TSPAN9: variants seen among roughly 807,000 people sequenced by gnomAD.
TSPAN9 encodes tetraspanin-9.
Under a neutral mutation model 31.0 loss-of-function variants are expected in TSPAN9, and 16 were observed. The observed-to-expected ratio is 0.52, with a 90% confidence interval of 0.35 to 0.78. The LOEUF (loss-of-function observed/expected upper bound fraction) is 0.78, where lower values mean the gene tolerates loss of function less well. TSPAN9 is among the 30% of genes least tolerant of loss of function. The probability of loss-of-function intolerance (pLI) is 0.01; values close to 1 mark genes in which losing one functional copy is unlikely to be tolerated. For missense variants in TSPAN9, 272 were observed against 312.5 expected (o/e 0.87, Z 0.98); for synonymous variants, 145 against 121.6 (o/e 1.19, Z -1.27).
At chr12:3,265,761 A>G (rs1391682604) in intron 3 of TSPAN9, among the ~76,000 whole-genome samples, 2 of 152,196 alleles carry the variant, frequency 1.3e-5, no homozygotes, top group East Asian at 3.8e-4. Context: ...AACATGTTTG[A>G]TAAAATGGAA....
chr12:3,246,137 A>G (rs1591703212), intron 3 of TSPAN9, among the ~76,000 whole-genome samples: 1 of 150,890 alleles, frequency 6.6e-6, no homozygotes, highest in South Asian at 2.1e-4. Flanking sequence ...TGGAAGATGA[A>G]GGGGAACAGG....
intron 2 of TSPAN9, among the ~76,000 whole-genome samples, chr12:3,105,563 C>T (rs1042937823): frequency 6.6e-6 from 1 of 151,798 alleles, no homozygotes; most frequent in South Asian, 2.1e-4. Context: ...AGGGAAGAGG[C>T]GAGCTGAGCG....
At chr12:3,203,536 A>C (rs1218464001) in intron 3 of TSPAN9, among the ~76,000 whole-genome samples, 5 of 152,238 alleles carry the variant, frequency 3.3e-5, no homozygotes, top group Admixed American at 3.3e-4. Context: ...TGATAGCGAG[A>C]GAACTTGCTG....
At chr12:3,276,445 G>A (rs1359323065) in intron 3 of TSPAN9, among the ~76,000 whole-genome samples, 2 of 152,128 alleles carry the variant, frequency 1.3e-5, no homozygotes, top group Non-Finnish European at 2.9e-5. Flanking sequence ...GTAGCACACG[G>A]CCAGCGTGCT....
chr12:3,128,011 G>A (rs2098328117), intron 2 of TSPAN9, among the ~76,000 whole-genome samples: 1 of 152,192 alleles, frequency 6.6e-6, no homozygotes, highest in African/African-American at 2.4e-5. Flanking sequence ...TGTGTTGTTG[G>A]ATTACGACAC....
intron 2 of TSPAN9, among the ~76,000 whole-genome samples, chr12:3,199,059 C>T (rs996253861): frequency 6.6e-5 from 10 of 152,226 alleles, no homozygotes; most frequent in Non-Finnish European, 1.5e-4. Context: ...TTGTGGCTCC[C>T]TGAAGGGCAG....
chr12:3,226,714 ATGTATGTG>A (rs1565622299), intron 3 of TSPAN9, among the ~76,000 whole-genome samples: 8 of 4,490 alleles, frequency 1.8e-3, no homozygotes, highest in African/African-American at 4.3e-3. Flanking sequence ...GTGTATGTGT[ATGTATGTG>A]TGTGTGTGTG....
At chr12:3,254,897 A>G (rs774744364) in intron 3 of TSPAN9, among the ~76,000 whole-genome samples, 3 of 152,132 alleles carry the variant, frequency 2.0e-5, no homozygotes, top group Non-Finnish European at 2.9e-5. Flanking sequence ...TGACCACTGC[A>G]TGGGGTGGAT....
intron 2 of TSPAN9, among the ~76,000 whole-genome samples, chr12:3,106,488 GACT>G (rs1209981402): frequency 1.3e-5 from 2 of 152,200 alleles, no homozygotes; most frequent in African/African-American, 4.8e-5. Flanking sequence ...AGAAAGATGG[GACT>G]GGGCCTGGTG....
At chr12:3,113,565 T>C (rs866901203) in intron 2 of TSPAN9, among the ~76,000 whole-genome samples, 8 of 152,242 alleles carry the variant, frequency 5.3e-5, no homozygotes, top group African/African-American at 1.4e-4. Context: ...ACTTTTTTGG[T>C]TGATGAACTC....
intron 3 of TSPAN9, among the ~76,000 whole-genome samples, chr12:3,220,892 T>G (rs2098384145): frequency 6.6e-6 from 1 of 152,168 alleles, no homozygotes; most frequent in South Asian, 2.1e-4. Context: ...CACATTGGCC[T>G]TTCCCTGTGA....
chr12:3,111,107 T>G (rs2098318405), intron 2 of TSPAN9, among the ~76,000 whole-genome samples: 1 of 152,154 alleles, frequency 6.6e-6, no homozygotes, highest in Non-Finnish European at 1.5e-5. Flanking sequence ...GCTGTTGTCC[T>G]CTCTCATTTG....
intron 2 of TSPAN9, among the ~76,000 whole-genome samples, chr12:3,139,675 A>C (rs1356815870): frequency 6.6e-6 from 1 of 152,102 alleles, no homozygotes; most frequent in Non-Finnish European, 1.5e-5. Context: ...CCTCCCGAGT[A>C]GCTGGGACCA....
chr12:3,151,796 G>A (rs560081328), intron 2 of TSPAN9, among the ~76,000 whole-genome samples: 2 of 152,100 alleles, frequency 1.3e-5, no homozygotes, highest in East Asian at 1.9e-4. Flanking sequence ...CGTGGTGTGC[G>A]CCTGTACTCC....
chr12:3,246,399 C>G (rs980763987), intron 3 of TSPAN9, among the ~76,000 whole-genome samples: 3 of 152,292 alleles, frequency 2.0e-5, no homozygotes, highest in Admixed American at 6.5e-5. Context: ...CTCCCCACCC[C>G]ACTCTTTGAG....
At chr12:3,243,527 G>A (rs1418812367) in intron 3 of TSPAN9, among the ~76,000 whole-genome samples, 1 of 152,214 alleles carries the variant, frequency 6.6e-6, no homozygotes, top group Non-Finnish European at 1.5e-5. Flanking sequence ...ACAGGGCTAA[G>A]CCCTGAGCCC....
At chr12:3,148,613 C>T (rs2098338367) in intron 2 of TSPAN9, among the ~76,000 whole-genome samples, 1 of 152,230 alleles carries the variant, frequency 6.6e-6, no homozygotes, top group Non-Finnish European at 1.5e-5. Flanking sequence ...TGCCAAGTGG[C>T]CCTGCTCTTT....
At chr12:3,224,056 T>G (rs1193019812) in intron 3 of TSPAN9, among the ~76,000 whole-genome samples, 1 of 151,338 alleles carries the variant, frequency 6.6e-6, no homozygotes, top group Non-Finnish European at 1.5e-5. Context: ...GATTTGTGCT[T>G]CTTTAGGTAG....
intron 3 of TSPAN9, among the ~76,000 whole-genome samples, chr12:3,239,485 A>C (rs3825356): frequency 6.6e-6 from 1 of 151,748 alleles, no homozygotes; most frequent in Admixed American, 6.6e-5. Context: ...TTTCCTCAAG[A>C]CCTCCATGGG....
Sources: gnomAD v4.1 joint callset for allele counts (sites outside exome capture counted in the v4.1 genomes callset) on GRCh38, gnomAD v4.1.1 for gene constraint, MANE v1.5 for transcripts, NCBI Gene and HGNC (gene_info 2026-07-23, HGNC 2026-07-21) for gene names.